DNM2: variants seen among roughly 807,000 people sequenced by gnomAD.
DNM2 encodes the protein dynamin 2.
Under a neutral mutation model 99.0 loss-of-function variants are expected in DNM2, and 15 were observed. The observed-to-expected ratio is 0.15, with a 90% CI of 0.10 to 0.23. The LOEUF is 0.23. Ranked by LOEUF, DNM2 falls within the 10% of genes least tolerant of loss-of-function variation. DNM2 has a pLI of 1.00. For synonymous variants in DNM2, 525 were observed against 481.2 expected (o/e 1.09, Z -1.19); for missense variants, 742 against 1,189.4 (o/e 0.62, Z 5.53).
chr19:10,787,854 A>C (rs907903052), intron 7 of DNM2, among the ~76,000 whole-genome samples: 2 of 151,562 alleles, frequency 1.3e-5, no homozygotes, highest in East Asian at 3.9e-4. Flanking sequence ...GCTTGAACCC[A>C]GGAGGTTGAG....
At chr19:10,782,451 C>T (rs962493210) in intron 5 of DNM2, among the ~76,000 whole-genome samples, 1 of 151,498 alleles carries the variant, frequency 6.6e-6, no homozygotes, top group African/African-American at 2.4e-5. Context: ...CTCCGCCTGC[C>T]GGGTTCAAGC....
At chr19:10,783,149 A>G (rs1380804454) in intron 6 of DNM2, 29 bp downstream of exon 6, 2 of 1,605,510 alleles carry the variant, frequency 1.2e-6, no homozygotes, top group Admixed American at 1.7e-5. Flanking sequence ...CGTAGTGTGC[A>G]GTGGCATAGG....
intron 5 of DNM2, 140 bp from the exon 6 acceptor site, chr19:10,782,820 G>A: frequency 8.4e-7 from 1 of 1,194,030 alleles, no homozygotes; most frequent in Non-Finnish European, 1.2e-6. Context: ...CCTCTGTGTT[G>A]TTTCTGAGTA....
In DNM2 at chr19:10,822,539, G is replaced by A. The variant is rs144828877; in HGVS notation, c.1782-1249G>A. Among the ~76,000 whole-genome samples the A allele has an allele frequency of 2.3e-4, 35 of 149,878 alleles. No homozygotes were observed. The East Asian group carries it at 6.6e-3, about 28-fold the overall frequency. ...TTTTGATACATAGTCTCACTCTGTC[G>A]CCCAGGCTGGAGACAGTGGCACAAT... On this transcript the variant is annotated intron_variant, in intron 16 of 20. Transcript: ENST00000389253.
chr19:10,812,621 T>C lies in DNM2; in HGVS notation c.1671+244T>C, dbSNP rs1354570601. Among the ~76,000 whole-genome samples the C allele has an allele frequency of 3.3e-5, 5 of 152,236 alleles. No homozygotes were observed. The South Asian group carries it at 1.0e-3, about 32-fold the overall frequency. On this transcript the variant is annotated intron_variant, in intron 15 of 20. Coordinates refer to ENST00000389253, the MANE Select transcript of DNM2 (RefSeq NM_001005361.3). The surrounding 1 kb of genome is among the most constrained non-coding windows in gnomAD (Gnocchi z 4.0). Reference sequence around the variant, plus strand: ...GGCCAACATGATGAAACCCCGTCTCTACTAAAATTGCAAAAATTAGCCAGG... The same window carrying C: ...GGCCAACATGATGAAACCCCGTCTCCACTAAAATTGCAAAAATTAGCCAGG...
chr19:10,762,901 G>T (rs1407356563), intron 2 of DNM2, among the ~76,000 whole-genome samples: 2 of 152,116 alleles, frequency 1.3e-5, no homozygotes, highest in Admixed American at 1.3e-4. Flanking sequence ...GCAGGTGGGG[G>T]ATGGGTGTGG....
chr19:10,812,449 C>A lies in DNM2; in HGVS notation c.1671+72C>A. 7.8e-7 allele frequency: 1 copy of A among 1,280,362 alleles called. No homozygotes were observed. Among genetic ancestry groups the A allele is most frequent in the Non-Finnish European group, 1.1e-6 (1 of 910,954 alleles). 79.3% of individuals were successfully genotyped at this position (1,280,362 alleles called of 1,614,324 possible). On this transcript the variant is annotated intron_variant, in intron 15 of 20. Coordinates refer to ENST00000389253, the MANE Select transcript of DNM2 (RefSeq NM_001005361.3). The surrounding 1 kb of genome is among the most constrained non-coding windows in gnomAD (Gnocchi z 4.0). Reference sequence around the variant, plus strand: ...AGGGAAGAGCGGGTGGGCGCTCCCTCTGGGCAGAACTCAGTCACTGCGCCA... The same window carrying A: ...AGGGAAGAGCGGGTGGGCGCTCCCTATGGGCAGAACTCAGTCACTGCGCCA...
chr19:10,766,009 G>A (rs2070784266), intron 2 of DNM2, among the ~76,000 whole-genome samples: 1 of 152,202 alleles, frequency 6.6e-6, no homozygotes, highest in South Asian at 2.1e-4. Context: ...AGTCATATGG[G>A]AGCCCCGGCA....
chr19:10,819,545 C>T (rs752701684), intron 15 of DNM2, among the ~76,000 whole-genome samples: 15 of 152,186 alleles, frequency 9.9e-5, no homozygotes, highest in Non-Finnish European at 2.9e-5. Context: ...GGAGTCCCTG[C>T]CCTGGAGAAA....
chr19:10,724,534 G>T (rs1442431440), intron 1 of DNM2, among the ~76,000 whole-genome samples: 1 of 152,190 alleles, frequency 6.6e-6, no homozygotes, highest in Non-Finnish European at 1.5e-5. Context: ...CCTTGAAGGA[G>T]GCGAGGAAGG....
intron 11 of DNM2, among the ~76,000 whole-genome samples, chr19:10,800,559 G>T (rs186866651): frequency 1.3e-5 from 2 of 152,230 alleles, no homozygotes; most frequent in Admixed American, 6.5e-5. Context: ...AACCAGCCAC[G>T]CTCGCTCCCA....
At position 10,765,804 on chromosome 19, in the gene DNM2, C is replaced by T. The variant is rs894762266; in HGVS notation, c.235+5993C>T. ...TCCCCCTGGTCCTGCCTGCCAACAG[C>T]AGGTTTGGGAAAGGCAGATCTCCTC... On this transcript the variant is annotated intron_variant, in intron 2 of 20. Coordinates refer to ENST00000389253, the MANE Select transcript of DNM2 (RefSeq NM_001005361.3). The surrounding 1 kb of genome is among the most constrained non-coding windows in gnomAD (Gnocchi z 4.4). Among the ~76,000 whole-genome samples, 1 of 152,146 alleles carries T rather than the reference C, an allele frequency of 6.6e-6. No individual in the cohort carries two copies. The highest frequency in any genetic ancestry group is 2.4e-5 in the African/African-American group (1 of 41,432).
At position 10,772,516 on chromosome 19, in the gene DNM2, T is replaced by C; in HGVS notation, c.273T>C (p.Phe91=). 6.2e-7 allele frequency: 1 copy of C among 1,614,190 alleles called. No homozygotes were observed. Among genetic ancestry groups the C allele is most frequent in the Non-Finnish European group, 8.5e-7 (1 of 1,180,050 alleles). The part of the protein sequence containing the change: ...AEFLHCKSKK[F]TDFDEVRQEI... ...TTTTGCACTGCAAGTCCAAAAAGTT[T>C]ACAGACTTTGATGAAGTCCGGCAGG... The change falls in exon 3 of 21, where the codon TTT becomes TTC. Residue 91 remains phenylalanine, a synonymous_variant. Coordinates refer to ENST00000389253, the MANE Select transcript of DNM2 (RefSeq NM_001005361.3). This position sits in a 1 kb window ranked among gnomAD's most constrained non-coding sequence, Gnocchi z 4.9.
chr19:10,829,199 C>A lies in DNM2; in HGVS notation c.2222C>A (p.Thr741Asn). 6.2e-7 allele frequency: 1 copy of A among 1,614,022 alleles called. No homozygotes were observed. Among genetic ancestry groups the A allele is most frequent in the African/African-American group, 1.3e-5 (1 of 75,048 alleles). Residue 741 changes from threonine (T) to asparagine (N), a missense_variant, in exon 19 of 21, where the codon ACC becomes AAC. Coordinates refer to ENST00000389253, the MANE Select transcript of DNM2 (RefSeq NM_001005361.3). ...EALNIIGDIS[T>N]STVSTPVPPP... is the part of the protein sequence containing the mutation. ...CTCAACATCATCGGTGACATCAGCACCAGCACTGTGTCCACGCCTGTACCC... is the reference window on the plus strand; with the variant it reads ...CTCAACATCATCGGTGACATCAGCAACAGCACTGTGTCCACGCCTGTACCC...
intron 1 of DNM2, among the ~76,000 whole-genome samples, chr19:10,748,061 G>T (rs2070056064): frequency 6.6e-6 from 1 of 152,154 alleles, no homozygotes; most frequent in Admixed American, 6.5e-5. Flanking sequence ...GGGAGGTGAG[G>T]ACAGGAAGGT....
In DNM2 at chr19:10,812,877, C is replaced by T. The variant is rs112499357; in HGVS notation, c.1671+500C>T. Among the ~76,000 whole-genome samples the T allele has an allele frequency of 5.7e-4, 87 of 152,320 alleles. No homozygotes were observed. The highest frequency in any genetic ancestry group is 2.0e-3 in the African/African-American group (84 of 41,556). On this transcript the variant is annotated intron_variant, in intron 15 of 20. Transcript: ENST00000389253. The surrounding 1 kb of genome is among the most constrained non-coding windows in gnomAD (Gnocchi z 4.0). The stretch of plus-strand genomic sequence containing the variant: ...CAAAAGGCTTACATTGTACCTGGCC[C>T]CCATGGGACCAGCTCCTAGAGTGCA...
chr19:10,830,623 C>T lies in DNM2; in HGVS notation c.2543+245C>T, dbSNP rs1181934100. On this transcript the variant is annotated intron_variant, in intron 20 of 20. Coordinates refer to ENST00000389253, the MANE Select transcript of DNM2 (RefSeq NM_001005361.3). The surrounding 1 kb of genome is among the most constrained non-coding windows in gnomAD (Gnocchi z 4.8). ...CTTGCCCTCTGCCTACTGGGGTGTG[C>T]CACCAGGCAGCTGGGGAACCCTCAC... is the stretch of plus-strand genomic sequence containing the variant. The T allele has an allele frequency of 1.2e-4, 72 of 599,924 alleles. 1 individual carries two copies. The Admixed American group carries it at 2.1e-3, about 18-fold the overall frequency. 37.2% of individuals were successfully genotyped at this position (599,924 alleles called of 1,614,324 possible).
chr19:10,796,545 G>A lies in DNM2; in HGVS notation c.1197-835G>A, dbSNP rs182316233. On this transcript the variant is annotated intron_variant, in intron 9 of 20. Transcript: ENST00000389253. This position sits in a 1 kb window ranked among gnomAD's most constrained non-coding sequence, Gnocchi z 5.6. ...AGAGGGACCCCCCGCGTCAACTGCTGGAGGCTGAGCTCCTTGAAGCTCCCT... is the reference window on the plus strand; with the variant it reads ...AGAGGGACCCCCCGCGTCAACTGCTAGAGGCTGAGCTCCTTGAAGCTCCCT... 1.3e-5 allele frequency among the ~76,000 whole-genome samples: 2 copies of A among 152,256 alleles called. No homozygotes were observed. Among genetic ancestry groups the A allele is most frequent in the African/African-American group, 4.8e-5 (2 of 41,548 alleles).
chr19:10,766,204 C>T (rs892248608), intron 2 of DNM2, among the ~76,000 whole-genome samples: 1 of 152,204 alleles, frequency 6.6e-6, no homozygotes, highest in African/African-American at 2.4e-5. Context: ...GTCTTCCCAG[C>T]AGGACCTGGG....
Sources: allele counts gnomAD v4.1 joint callset (sites outside exome capture counted in the v4.1 genomes callset), GRCh38; gene constraint gnomAD v4.1.1; non-coding constraint Gnocchi (gnomAD v3.1); transcripts MANE v1.5; gene names NCBI Gene and HGNC (gene_info 2026-07-23, HGNC 2026-07-21).